OR2Z1: variants seen among roughly 807,000 people sequenced by gnomAD.
The protein encoded by OR2Z1 is olfactory receptor family 2 subfamily Z member 1.
For missense variants in OR2Z1, 449 were observed against 401.8 expected (o/e 1.12, Z -1.00); for synonymous variants, 188 against 160.6 (o/e 1.17, Z -1.29).
chr19:8,722,522 A>AC (rs1159458201), intron 1 of OR2Z1, among the ~76,000 whole-genome samples: 2 of 152,160 alleles, frequency 1.3e-5, no homozygotes, highest in African/African-American at 4.8e-5. Context: ...GACAGGTAAA[A>AC]CCACAACTTT....
chr19:8,731,635 G>C lies in OR2Z1; in HGVS notation c.607G>C (p.Gly203Arg), dbSNP rs782526418. ...CTACGAGATGGCGCTGTCCACCTCA[G>C]GGGTGCTGATCCTAATGCTCCCTCT... Reference protein sequence around the residue: ...CAYEMALSTSGVLILMLPLSL... With the variant: ...CAYEMALSTSRVLILMLPLSL... The change falls in exon 3 of 3, where the codon GGG becomes CGG. Residue 203 changes from glycine (G) to arginine (R), a missense_variant. By Grantham distance (125) the Gly-to-Arg change is moderately radical. Transcript: ENST00000641125. 11 of 1,614,014 alleles carry C rather than the reference G, an allele frequency of 6.8e-6. No homozygotes were observed. Among genetic ancestry groups the C allele is most frequent in the South Asian group, 5.5e-5 (5 of 91,066 alleles).
chr19:8,726,206 C>A (rs762604651), intron 2 of OR2Z1, among the ~76,000 whole-genome samples: 1 of 152,190 alleles, frequency 6.6e-6, no homozygotes. Context: ...ACCTCGTGAT[C>A]GGCCCGCCTT....
At chr19:8,728,678 T>C in intron 2 of OR2Z1, 1 of 491,826 alleles carries the variant, frequency 2.0e-6, no homozygotes, top group East Asian at 4.8e-5. Flanking sequence ...AATAGGTAGT[T>C]TTTTTTTTAT....
intron 2 of OR2Z1, chr19:8,729,193 T>A: frequency 1.2e-6 from 1 of 854,398 alleles, no homozygotes; most frequent in Non-Finnish European, 1.9e-6. Context: ...CCTTATTTGC[T>A]TTCGGCGCCA....
chr19:8,724,386 C>A (rs1193645375), intron 2 of OR2Z1, among the ~76,000 whole-genome samples: 1 of 152,078 alleles, frequency 6.6e-6, no homozygotes, highest in African/African-American at 2.4e-5. Context: ...TAAGCATGTG[C>A]CACCATGCCT....
intron 2 of OR2Z1, among the ~76,000 whole-genome samples, chr19:8,723,669 C>T (rs2043315539): frequency 6.7e-6 from 1 of 148,798 alleles, no homozygotes. Context: ...AGAAGAATTA[C>T]AGAAACCAGT....
At chr19:8,724,426 G>T (rs782625970) in intron 2 of OR2Z1, among the ~76,000 whole-genome samples, 5 of 151,988 alleles carry the variant, frequency 3.3e-5, no homozygotes, top group Non-Finnish European at 7.4e-5. Context: ...TGTAGAGTCG[G>T]GATCTTGCCA....
intron 2 of OR2Z1, among the ~76,000 whole-genome samples, chr19:8,729,874 G>A (rs1387288573): frequency 1.3e-5 from 2 of 152,120 alleles, no homozygotes; most frequent in South Asian, 2.1e-4. Context: ...ATAGCCATGA[G>A]CCACCATCCC....
At chr19:8,725,950 G>C (rs2043325444) in intron 2 of OR2Z1, among the ~76,000 whole-genome samples, 1 of 148,712 alleles carries the variant, frequency 6.7e-6, no homozygotes, top group South Asian at 2.1e-4. Context: ...TAGAGGCAGA[G>C]GGAGGTGCTA....
At chr19:8,726,896 C>CT (rs138952879) in intron 2 of OR2Z1, among the ~76,000 whole-genome samples, 2,860 of 151,454 alleles carry the variant, frequency 0.019, 85 homozygotes, top group African/African-American at 0.066. Context: ...CTGCTTTTTT[C>CT]TTTTTTTTTA....
rs782242377 is a variant in OR2Z1 at position 8,732,007 on chromosome 19, C to G, written c.*34C>G. On this transcript the variant is annotated 3_prime_UTR_variant, in exon 3 of 3. Coordinates refer to ENST00000641125, the MANE Select transcript of OR2Z1 (RefSeq NM_001004699.3). The stretch of plus-strand genomic sequence containing the variant: ...AAACTGCTGGTGAGATTCCAGCGGT[C>G]CTCGATCCCACCCACCTTCCCAAAG... The G allele has an allele frequency of 6.7e-7, 1 of 1,497,396 alleles. No individual in the cohort carries two copies. The highest frequency in any genetic ancestry group is 9.2e-7 in the Non-Finnish European group (1 of 1,089,072). The allele number at this position is 1,497,396 out of a possible 1,614,324, so 92.8% of individuals were successfully genotyped here.
In OR2Z1 at chr19:8,731,178, T is replaced by A. The variant is rs782717288; in HGVS notation, c.150T>A (p.Arg50=). 4.3e-6 allele frequency: 7 copies of A among 1,613,842 alleles called. No individual in the cohort carries two copies. In the African/African-American group the frequency reaches 6.7e-5, roughly 15 times the overall value. The change falls in exon 3 of 3, where the codon CGT becomes CGA. Residue 50 remains arginine (R), a synonymous_variant. Transcript: ENST00000641125. ...LGNTVLLFLI[R]VDSRLHTPMY... is the part of the protein sequence containing the mutation. ...ACACCGTTCTTCTCTTCTTGATCCG[T>A]GTGGACTCCCGGCTCCACACACCCA...
chr19:8,732,140 T>A lies in OR2Z1; in HGVS notation c.*167T>A. The A allele has an allele frequency of 4.9e-6, 3 of 614,144 alleles. No individual in the cohort carries two copies. The highest frequency in any genetic ancestry group is 5.7e-6 in the Non-Finnish European group (2 of 348,162). 38.0% of individuals were successfully genotyped at this position (614,144 alleles called of 1,614,324 possible). On this transcript the variant is annotated 3_prime_UTR_variant, in exon 3 of 3. Coordinates refer to ENST00000641125, the MANE Select transcript of OR2Z1 (RefSeq NM_001004699.3). ...GTCTGCCTTTTAAATTGAGGTAGAA[T>A]ACACGTAACATAAAATGAGCCACTT...
In OR2Z1 at chr19:8,732,115, G is replaced by C; in HGVS notation, c.*142G>C. ...CCAAGGTGCAACTTTTTGAGAAAAT[G>C]TCTGCCTTTTAAATTGAGGTAGAAT... On this transcript the variant is annotated 3_prime_UTR_variant, in exon 3 of 3. Transcript: ENST00000641125. 1 of 651,496 alleles carries C rather than the reference G, an allele frequency of 1.5e-6. No individual in the cohort carries two copies. The highest frequency in any genetic ancestry group is 2.7e-6 in the Non-Finnish European group (1 of 375,346). The allele number at this position is 651,496 out of a possible 1,614,324, so 40.4% of individuals were successfully genotyped here. A position where few individuals can be genotyped will look rare whatever the true frequency, so the allele number is the denominator to read the frequency against.
chr19:8,727,564 A>T (rs1184818593), intron 2 of OR2Z1, among the ~76,000 whole-genome samples: 8 of 151,066 alleles, frequency 5.3e-5, no homozygotes, highest in African/African-American at 1.2e-4. Context: ...TAATAATAAT[A>T]AAAAAAAACA....
Position 8,731,572 on chromosome 19 carries a change from C to T in OR2Z1, c.544C>T (p.Pro182Ser). The T allele has an allele frequency of 3.1e-6, 5 of 1,614,072 alleles. No individual in the cohort carries two copies. The highest frequency in any genetic ancestry group is 1.1e-5 in the South Asian group (1 of 91,082). Residue 182 changes from proline (P) to serine (S), a missense_variant, in exon 3 of 3, where the codon CCA (proline) becomes TCA (serine). Physicochemically the swap from Pro to Ser is moderately conservative, Grantham distance 74. Transcript: ENST00000641125. Reference protein sequence around the residue: ...RIVDHFFCEVPALLKLSCADT... With the variant: ...RIVDHFFCEVSALLKLSCADT... ...TGTGGATCACTTCTTCTGTGAGGTG[C>T]CAGCCCTACTGAAGCTCTCCTGTGC...
At chr19:8,724,233 A>AT (rs77484187) in intron 2 of OR2Z1, among the ~76,000 whole-genome samples, 102,156 of 150,146 alleles carry the variant, frequency 0.68, 36,388 homozygotes, top group Non-Finnish European at 0.8. Context: ...ACCTATGGTC[A>AT]TTTTTTTTTA....
At chr19:8,729,653 C>A (rs1001754613) in intron 2 of OR2Z1, among the ~76,000 whole-genome samples, 1 of 151,424 alleles carries the variant, frequency 6.6e-6, no homozygotes, top group East Asian at 1.9e-4. Flanking sequence ...TGCAATGGTG[C>A]GATCTCGGCT....
chr19:8,728,676 G>GT (rs148970559), intron 2 of OR2Z1: 26,210 of 390,090 alleles, frequency 0.067, no homozygotes, highest in South Asian at 0.11. Context: ...CCAATAGGTA[G>GT]TTTTTTTTTT....
Sources: allele counts gnomAD v4.1 joint callset (sites outside exome capture counted in the v4.1 genomes callset), GRCh38; gene constraint gnomAD v4.1.1; transcripts MANE v1.5; gene names NCBI Gene and HGNC (gene_info 2026-07-23, HGNC 2026-07-21).